The following RGS7 variants were observed in gnomAD, a reference collection of about 807,000 sequenced individuals.
RGS7 encodes regulator of G-protein signaling 7.
Under a neutral mutation model 81.1 loss-of-function variants are expected in RGS7, and 27 were observed. The observed-to-expected ratio is 0.33, with a 90% CI of 0.25 to 0.46. The LOEUF (loss-of-function observed/expected upper bound fraction) is 0.46. Ranked by LOEUF, RGS7 falls within the 20% of genes least tolerant of loss-of-function variation. The probability of loss-of-function intolerance (pLI) is 1.00; values close to 1 mark genes in which losing one functional copy is unlikely to be tolerated. For missense variants in RGS7, 396 were observed against 607.4 expected, an observed-to-expected ratio of 0.65 and a Z score of 3.66; for synonymous variants, 208 against 207.7, an observed-to-expected ratio of 1.00 and a Z score of -0.01.
chr1:240,878,489 C>CTTTTTTTTTTT (rs57896753), intron 6 of RGS7, among the ~76,000 whole-genome samples: 77 of 117,478 alleles, frequency 6.6e-4, no homozygotes, highest in Non-Finnish European at 8.2e-4. Context: ...TTTTTTCTTT[C>CTTTTTTTTTTT]TTTTTTTTTT....
chr1:241,080,710 G>A lies in RGS7; in HGVS notation c.175+17956C>T, dbSNP rs1015621185. Among the ~76,000 whole-genome samples, 3 of 152,106 alleles carry A rather than the reference G, an allele frequency of 2.0e-5. No homozygotes were observed. The South Asian group carries it at 6.2e-4, about 32-fold the overall frequency. ...TTTCTTGTTCATCTGTTGTGTATGC[G>A]TTATCCAGAGTCACTCTTTTAGAAC... On this transcript the variant is annotated intron_variant, in intron 3 of 18. Coordinates refer to ENST00000440928, the MANE Select transcript of RGS7 (RefSeq NM_001364886.1).
intron 2 of RGS7, among the ~76,000 whole-genome samples, chr1:241,309,852 A>C (rs2080403254): frequency 6.6e-6 from 1 of 152,240 alleles, no homozygotes; most frequent in Non-Finnish European, 1.5e-5. Flanking sequence ...CACGCGTTGA[A>C]GTAGCACAGA....
intron 2 of RGS7, among the ~76,000 whole-genome samples, chr1:241,267,388 G>A (rs1429730133): frequency 6.6e-6 from 1 of 152,166 alleles, no homozygotes; most frequent in East Asian, 1.9e-4. Flanking sequence ...AGAGAAGCTG[G>A]AGCCCATTCC....
Position 240,909,943 on chromosome 1 carries a change from A to C in RGS7, c.385+20774T>G, listed in dbSNP as rs546571691. On this transcript the variant is annotated intron_variant, in intron 6 of 18. Transcript: ENST00000440928. Reference sequence around the variant, plus strand: ...CGAGCCACCTGGGTTTAGTTCGGTCACTTCCATAAGTGTATTTAGCATTGG... The same window carrying C: ...CGAGCCACCTGGGTTTAGTTCGGTCCCTTCCATAAGTGTATTTAGCATTGG... Among the ~76,000 whole-genome samples the C allele has an allele frequency of 8.0e-4, 122 of 152,214 alleles. 1 individual carries two copies. The highest frequency in any genetic ancestry group is 3.0e-3 in the Admixed American group (46 of 15,292).
chr1:241,205,332 G>A (rs1009407592), intron 2 of RGS7, among the ~76,000 whole-genome samples: 11 of 150,302 alleles, frequency 7.3e-5, no homozygotes, highest in African/African-American at 1.7e-4. Context: ...CACCCGCCTC[G>A]GCCTCCCAAA....
chr1:241,168,137 A>G (rs1398184129), intron 2 of RGS7, among the ~76,000 whole-genome samples: 1 of 152,206 alleles, frequency 6.6e-6, no homozygotes, highest in Non-Finnish European at 1.5e-5. Context: ...AGCATTGAGC[A>G]CAATAGGCTC....
At chr1:240,993,349 G>A (rs528017631) in intron 3 of RGS7, among the ~76,000 whole-genome samples, 5 of 152,272 alleles carry the variant, frequency 3.3e-5, no homozygotes, top group Admixed American at 3.3e-4. Context: ...TCCTACCAGC[G>A]ATGTAGGAGT....
intron 2 of RGS7, among the ~76,000 whole-genome samples, chr1:241,293,054 C>A (rs527936416): frequency 3.3e-5 from 5 of 152,120 alleles, no homozygotes; most frequent in African/African-American, 1.2e-4. Context: ...TTTGCACATG[C>A]GGTACATATA....
At chr1:240,792,902 G>A (rs1020186772) in intron 18 of RGS7, among the ~76,000 whole-genome samples, 8 of 152,056 alleles carry the variant, frequency 5.3e-5, no homozygotes, top group Non-Finnish European at 1.2e-4. Flanking sequence ...CTGTTTTGTT[G>A]TTGTTGTTGG....
At chr1:241,192,339 T>C (rs945603245) in intron 2 of RGS7, among the ~76,000 whole-genome samples, 14 of 152,006 alleles carry the variant, frequency 9.2e-5, no homozygotes, top group African/African-American at 3.4e-4. Context: ...TCTGCACCTG[T>C]CCGCATTTCC....
chr1:240,990,774 G>C (rs1419122250), intron 3 of RGS7, among the ~76,000 whole-genome samples: 1 of 152,146 alleles, frequency 6.6e-6, no homozygotes, highest in African/African-American at 2.4e-5. Flanking sequence ...AAGGTCAATG[G>C]AAACAAAATA....
chr1:241,192,252 C>CAT (rs1491204174), intron 2 of RGS7, among the ~76,000 whole-genome samples: 1 of 124,676 alleles, frequency 8.0e-6, no homozygotes, highest in African/African-American at 3.2e-5. Flanking sequence ...TCTGTCTGCA[C>CAT]GTGTGTGTGT....
At position 241,339,907 on chromosome 1, in the gene RGS7, G is replaced by GA. The variant is rs1181008875; in HGVS notation, c.78+15791dup. On this transcript the variant is annotated intron_variant, in intron 2 of 18. Coordinates refer to ENST00000440928, the MANE Select transcript of RGS7 (RefSeq NM_001364886.1). ...AGTGCCATTACTACAGAAAAAGAGG[G>GA]AAAAAATACCAAGGACAGAAAGGTT... 3.3e-5 allele frequency among the ~76,000 whole-genome samples: 5 copies of GA among 152,206 alleles called. No homozygotes were observed. In the South Asian group the frequency reaches 6.2e-4, roughly 19 times the overall value.
chr1:240,939,306 T>A (rs115728805), intron 4 of RGS7, among the ~76,000 whole-genome samples: 207 of 152,380 alleles, frequency 1.4e-3, no homozygotes, highest in African/African-American at 4.4e-3. Flanking sequence ...TTAATTATTC[T>A]GATTTGATCA....
chr1:241,332,338 T>C (rs555489143), intron 2 of RGS7, among the ~76,000 whole-genome samples: 1 of 152,166 alleles, frequency 6.6e-6, no homozygotes, highest in Non-Finnish European at 1.5e-5. Context: ...GTAGGTGACG[T>C]GATCTTGTGT....
chr1:240,936,851 C>A, intron 4 of RGS7, 145 bp from the exon 5 acceptor site: 1 of 676,526 alleles, frequency 1.5e-6, no homozygotes, highest in East Asian at 2.8e-5. Flanking sequence ...TTGTTCTTTG[C>A]TCTCGAGATA....
intron 4 of RGS7, among the ~76,000 whole-genome samples, chr1:240,938,379 C>T (rs1022742202): frequency 6.6e-6 from 1 of 152,160 alleles, no homozygotes; most frequent in African/African-American, 2.4e-5. Context: ...ATTCTTACAG[C>T]AGTTCTAGGA....
intron 3 of RGS7, among the ~76,000 whole-genome samples, chr1:241,089,063 C>CTCTATATATATATA (rs1374552672): frequency 8.4e-5 from 2 of 23,684 alleles, no homozygotes; most frequent in African/African-American, 4.6e-4. Flanking sequence ...CTCTCTCTCT[C>CTCTATATATATATA]TATATATATA....
intron 3 of RGS7, among the ~76,000 whole-genome samples, chr1:241,060,009 CA>C (rs2061665957): frequency 6.6e-6 from 1 of 152,096 alleles, no homozygotes; most frequent in South Asian, 2.1e-4. Context: ...AAGTCATTCT[CA>C]AATTCACCCA....
Sources: allele counts gnomAD v4.1 joint callset (sites outside exome capture counted in the v4.1 genomes callset), GRCh38; gene constraint gnomAD v4.1.1; transcripts MANE v1.5; gene names NCBI Gene and HGNC (gene_info 2026-07-23, HGNC 2026-07-21).